IZUMO4: variants seen among roughly 807,000 people sequenced by gnomAD.
IZUMO4 encodes the protein IZUMO family member 4, also known as izumo sperm-egg fusion protein 4.
Under a neutral mutation model 37.1 loss-of-function variants are expected in IZUMO4, and 51 were observed. The ratio of observed to expected loss-of-function variants is 1.38; its 90% CI spans 1.10 to 1.74. IZUMO4 has a LOEUF of 1.74. Among genes scored for constraint, IZUMO4 ranks in the 40% most tolerant of loss-of-function variants. The probability of loss-of-function intolerance (pLI) is 0.00; values close to 1 mark genes in which losing one functional copy is unlikely to be tolerated. For missense variants in IZUMO4, 364 were observed against 299.6 expected (o/e 1.21, Z -1.59); for synonymous variants, 162 against 121.4 (o/e 1.33, Z -2.20).
chr19:2,099,544 C>T lies in IZUMO4; in HGVS notation c.*199C>T, dbSNP rs573681957. ...CGCAGCATCAGCGCCTGGGCAGGTCCGCAGAGCTGCGGGATGTGATTAAAG... is the reference window on the plus strand; with the variant it reads ...CGCAGCATCAGCGCCTGGGCAGGTCTGCAGAGCTGCGGGATGTGATTAAAG... On this transcript the variant is annotated 3_prime_UTR_variant, in exon 10 of 10. Coordinates refer to ENST00000395301, the MANE Select transcript of IZUMO4 (RefSeq NM_001039846.2). 173 of 586,242 alleles carry T rather than the reference C, an allele frequency of 3.0e-4. 3 individuals carry two copies. The African/African-American group carries it at 3.0e-3, about 10-fold the overall frequency. 36.3% of individuals were successfully genotyped at this position (586,242 alleles called of 1,614,324 possible).
Position 2,097,328 on chromosome 19 carries a change from C to A in IZUMO4, c.294C>A (p.Phe98Leu), listed in dbSNP as rs750442887. ...MDQLYQGKMY[F>L]PGYFPNELRN... is the part of the protein sequence containing the mutation. ...AGCTGTACCAGGGGAAGATGTACTT[C>A]CCCGGTAAGGGGCGCGAAACCGAGG... Residue 98 changes from phenylalanine (F) to leucine (L), a missense_variant, in exon 2 of 10, where the codon TTC becomes TTA. Phe to Leu is a conservative substitution (Grantham distance 22). Coordinates refer to ENST00000395301, the MANE Select transcript of IZUMO4 (RefSeq NM_001039846.2). 4 of 1,612,688 alleles carry A rather than the reference C, an allele frequency of 2.5e-6. No homozygotes were observed. The highest frequency in any genetic ancestry group is 3.4e-6 in the Non-Finnish European group (4 of 1,179,812).
At position 2,098,125 on chromosome 19, in the gene IZUMO4, C is replaced by A. The variant is rs201805693; in HGVS notation, c.471C>A (p.Cys157Ter). Residue 157 changes from cysteine (C) to a stop codon, truncating the protein, a stop_gained and splice_region_variant, in exon 5 of 10, where the codon TGC becomes TGA. Coordinates refer to ENST00000395301, the MANE Select transcript of IZUMO4 (RefSeq NM_001039846.2). LOFTEE classifies it high-confidence loss of function. ...DSHVACFGYN[C>*]ESSAQWKSAV... is the part of the protein sequence containing the mutation. ...ACGTCGCCTGCTTTGGCTATAACTG[C>A]GAGTAGGGCTCAGGCATCACACCCA... The A allele has an allele frequency of 6.2e-7, 1 of 1,613,378 alleles. No individual in the cohort carries two copies. Among genetic ancestry groups the A allele is most frequent in the Non-Finnish European group, 8.5e-7 (1 of 1,179,976 alleles).
Position 2,098,961 on chromosome 19 carries a change from T to C in IZUMO4, c.555-15T>C, listed in dbSNP as rs753812370. On this transcript the variant is annotated splice_polypyrimidine_tract_variant and intron_variant, in intron 8 of 9. Transcript: ENST00000395301. ...CACCTCTGCAACCACACCCATGTGG[T>C]GGTTTCATGAACAGACCACGCTCCT... is the stretch of plus-strand genomic sequence containing the variant. 6.2e-7 allele frequency: 1 copy of C among 1,612,840 alleles called. No individual in the cohort carries two copies. Among genetic ancestry groups the C allele is most frequent in the Non-Finnish European group, 8.5e-7 (1 of 1,179,808 alleles).
At position 2,098,353 on chromosome 19, in the gene IZUMO4, T is replaced by A; in HGVS notation, c.521+19T>A. 6.2e-7 allele frequency: 1 copy of A among 1,613,972 alleles called. No individual in the cohort carries two copies. The highest frequency in any genetic ancestry group is 8.5e-7 in the Non-Finnish European group (1 of 1,180,000). On this transcript the variant is annotated intron_variant, in intron 6 of 9. Coordinates refer to ENST00000395301, the MANE Select transcript of IZUMO4 (RefSeq NM_001039846.2). ...ACTACATGTGAGTGGGGTCTTTGGG[T>A]GGCAGCAAGCTCACCTGGGCCTGGG... is the stretch of plus-strand genomic sequence containing the variant.
rs780330221 is a variant in IZUMO4, at chr19:2,097,331, C to G, written c.297C>G (p.Pro99=). The part of the protein sequence containing the change: ...DQLYQGKMYF[P]GYFPNELRNI... ...TGTACCAGGGGAAGATGTACTTCCC[C>G]GGTAAGGGGCGCGAAACCGAGGCGG... The change falls in exon 2 of 10, where the codon CCC becomes CCG. Residue 99 remains proline (P), a splice_region_variant and synonymous_variant. Coordinates refer to ENST00000395301, the MANE Select transcript of IZUMO4 (RefSeq NM_001039846.2). The G allele has an allele frequency of 6.8e-6, 11 of 1,612,580 alleles. 1 individual carries two copies. The South Asian group carries it at 1.2e-4, about 18-fold the overall frequency.
intron 2 of IZUMO4, 32 bp downstream of exon 2, chr19:2,097,364 C>A: frequency 6.2e-7 from 1 of 1,609,590 alleles, no homozygotes; most frequent in Non-Finnish European, 8.5e-7. Flanking sequence ...CGGGGCCCCC[C>A]CACCCCGGGA....
intron 7 of IZUMO4, 46 bp from the exon 8 acceptor site, chr19:2,098,741 T>C (rs1280682244): frequency 1.2e-6 from 2 of 1,604,668 alleles, no homozygotes; most frequent in South Asian, 1.1e-5. Flanking sequence ...CTACGATGGT[T>C]AGGGGTGCCC....
Position 2,097,166 on chromosome 19 carries a change from A to G in IZUMO4, c.217+4A>G. 6.2e-7 allele frequency: 1 copy of G among 1,609,282 alleles called. No homozygotes were observed. Among genetic ancestry groups the G allele is most frequent in the Non-Finnish European group, 8.5e-7 (1 of 1,177,490 alleles). ...CTGGCCATCCCCGCCAAGATCAGTG[A>G]GTGCCGGAGCCCAGCCCAGTCCCGA... is the stretch of plus-strand genomic sequence containing the variant. On this transcript the variant is annotated splice_donor_region_variant and intron_variant, in intron 1 of 9. Transcript: ENST00000395301.
intron 1 of IZUMO4, 40 bp from the exon 2 acceptor site, chr19:2,097,212 C>T (rs773525222): frequency 2.5e-6 from 4 of 1,607,428 alleles, no homozygotes; most frequent in Middle Eastern, 1.7e-4. Flanking sequence ...AGCGAGACCC[C>T]GGGGCAGGCC....
chr19:2,098,521 G>A (rs1412674791), intron 7 of IZUMO4, 71 bp downstream of exon 7: 4 of 1,609,706 alleles, frequency 2.5e-6, no homozygotes, highest in African/African-American at 2.7e-5. Flanking sequence ...TATGTGTGGG[G>A]CACAGGCTGG....
At position 2,098,977 on chromosome 19, in the gene IZUMO4, C is replaced by T. The variant is rs763060927; in HGVS notation, c.556C>T (p.Pro186Ser). 8 of 1,613,124 alleles carry T rather than the reference C, an allele frequency of 5.0e-6. No individual in the cohort carries two copies. Among genetic ancestry groups the T allele is most frequent in the Non-Finnish European group, 6.8e-6 (8 of 1,179,936 alleles). The change falls in exon 9 of 10, where the codon CCA becomes TCA. Residue 186 changes from proline to serine, a missense_variant and splice_region_variant. By Grantham distance (74) the Pro-to-Ser change is moderately conservative. Transcript: ENST00000395301. ...CCCATGTGGTGGTTTCATGAACAGA[C>T]CACGCTCCTCTGCCTTCTCCTGGCC... ...NWHKQDTSMR[P>S]RSSAFSWPGT... is the part of the protein sequence containing the mutation.
chr19:2,098,921 A>G (rs1026630953), intron 8 of IZUMO4, 55 bp from the exon 9 acceptor site: 1 of 1,597,122 alleles, frequency 6.3e-7, no homozygotes, highest in African/African-American at 1.3e-5. Flanking sequence ...TATACCTGGG[A>G]CACCTGCTGG....
chr19:2,097,527 G>A (rs1161083299), intron 3 of IZUMO4, 32 bp downstream of exon 3: 1 of 1,587,238 alleles, frequency 6.3e-7, no homozygotes, highest in East Asian at 2.2e-5. Flanking sequence ...GGAGGGAGGT[G>A]TTGCCCAGAG....
At chr19:2,098,525 AGGCT>A in intron 7 of IZUMO4, 75 bp downstream of exon 7, 1 of 1,610,104 alleles carries the variant, frequency 6.2e-7, no homozygotes, top group Non-Finnish European at 8.5e-7. Flanking sequence ...TGTGGGGCAC[AGGCT>A]GGCTCCCTCA....
In IZUMO4 at chr19:2,098,873, C is replaced by T. The variant is rs192459089; in HGVS notation, c.554+69C>T. 5.1e-6 allele frequency: 8 copies of T among 1,580,106 alleles called. No homozygotes were observed. In the East Asian group the frequency reaches 1.6e-4, roughly 31 times the overall value. ...GAGAGAGGAGGGGGGCTAGGGGGTC[C>T]TCTAGATCAGTGGGGGCACTGCAGG... is the stretch of plus-strand genomic sequence containing the variant. On this transcript the variant is annotated intron_variant, in intron 8 of 9. Transcript: ENST00000395301.
chr19:2,098,651 C>A, intron 7 of IZUMO4, 136 bp from the exon 8 acceptor site: 3 of 1,554,658 alleles, frequency 1.9e-6, no homozygotes, highest in Non-Finnish European at 2.6e-6. Context: ...CAGCTGGAGG[C>A]GGGCATCTTT....
intron 8 of IZUMO4, 54 bp downstream of exon 8, chr19:2,098,858 G>C (rs972421667): frequency 6.4e-7 from 1 of 1,561,756 alleles, no homozygotes; most frequent in Admixed American, 1.7e-5. Context: ...GAGAGAGGAG[G>C]GGGGCTAGGG....
rs796467726 is a variant in IZUMO4 at position 2,099,566 on chromosome 19, A to T, written c.*221A>T. The T allele has an allele frequency of 2.3e-5, 13 of 574,454 alleles. No homozygotes were observed. The African/African-American group carries it at 2.4e-4, about 11-fold the overall frequency. 35.6% of individuals were successfully genotyped at this position (574,454 alleles called of 1,614,324 possible). On this transcript the variant is annotated 3_prime_UTR_variant, in exon 10 of 10. Transcript: ENST00000395301. ...GTCCGCAGAGCTGCGGGATGTGATT[A>T]AAGTCCCTGATGTTTCTCTTTGCAG...
intron 3 of IZUMO4, 102 bp from the exon 4 acceptor site, chr19:2,097,827 C>T: frequency 7.0e-7 from 1 of 1,433,702 alleles, no homozygotes; most frequent in East Asian, 2.3e-5. Context: ...GCCTGGGCCC[C>T]AGTGCCGAGG....
Sources: allele counts gnomAD v4.1 joint callset, GRCh38; gene constraint gnomAD v4.1.1; transcripts MANE v1.5; gene names NCBI Gene and HGNC (gene_info 2026-07-23, HGNC 2026-07-21).